The following SLC39A11 variants were observed in gnomAD, a reference collection of about 807,000 sequenced individuals.
SLC39A11 encodes zinc transporter ZIP11.
A neutral mutation model predicts 36.1 loss-of-function variants in SLC39A11; 33 were observed. The observed-to-expected ratio is 0.91, with a 90% CI of 0.69 to 1.22. SLC39A11 has a LOEUF of 1.22. Among genes scored for constraint, SLC39A11 ranks in the 50% most tolerant of loss-of-function variants. The pLI is 0.00. For missense variants in SLC39A11, 432 were observed against 430.3 expected (o/e 1.00, Z -0.03); for synonymous variants, 166 against 170.3 (o/e 0.97, Z 0.20).
At chr17:73,042,415 T>G (rs1042902829) in intron 3 of SLC39A11, among the ~76,000 whole-genome samples, 1 of 152,208 alleles carries the variant, frequency 6.6e-6, no homozygotes, top group African/African-American at 2.4e-5. Flanking sequence ...CTCATGTTTA[T>G]TGAACCAAAG....
intron 4 of SLC39A11, among the ~76,000 whole-genome samples, chr17:72,991,800 C>T (rs1288807160): frequency 6.6e-6 from 1 of 152,204 alleles, no homozygotes; most frequent in Non-Finnish European, 1.5e-5. Flanking sequence ...AATGAACATT[C>T]TCATGCAGGG....
intron 8 of SLC39A11, 29 bp downstream of exon 8, chr17:72,649,141 A>G: frequency 6.2e-7 from 1 of 1,600,806 alleles, no homozygotes; most frequent in East Asian, 2.2e-5. Flanking sequence ...GGATGCTGTG[A>G]CATGGCCTTG....
intron 7 of SLC39A11, among the ~76,000 whole-genome samples, chr17:72,709,230 G>A (rs569739914): frequency 3.0e-4 from 46 of 152,268 alleles, no homozygotes; most frequent in Middle Eastern, 3.4e-3. Context: ...GAGCCACCGC[G>A]CCCGGCCAAG....
At chr17:72,974,167 CT>C (rs2087664544) in intron 4 of SLC39A11, among the ~76,000 whole-genome samples, 1 of 152,162 alleles carries the variant, frequency 6.6e-6, no homozygotes, top group Admixed American at 6.5e-5. Context: ...GTGGCGCGAT[CT>C]GGCTCACCGC....
chr17:73,039,899 C>A (rs2059053547), intron 3 of SLC39A11, among the ~76,000 whole-genome samples: 1 of 152,066 alleles, frequency 6.6e-6, no homozygotes, highest in South Asian at 2.1e-4. Flanking sequence ...CTGGTCTGTC[C>A]CAAGTTGACT....
chr17:72,749,154 T>G (rs2075055016), intron 6 of SLC39A11, among the ~76,000 whole-genome samples: 1 of 152,126 alleles, frequency 6.6e-6, no homozygotes, highest in Admixed American at 6.5e-5. Flanking sequence ...ACACAAAAAC[T>G]CAAGATTCCC....
At chr17:72,761,881 A>C (rs1440726500) in intron 6 of SLC39A11, among the ~76,000 whole-genome samples, 1 of 152,248 alleles carries the variant, frequency 6.6e-6, no homozygotes, top group Non-Finnish European at 1.5e-5. Context: ...GGGTCATGCT[A>C]TTCCCATAAA....
intron 4 of SLC39A11, among the ~76,000 whole-genome samples, chr17:73,010,206 C>T (rs182990634): frequency 1.3e-5 from 2 of 152,128 alleles, no homozygotes; most frequent in East Asian, 3.9e-4. Context: ...GGTGGGGTCC[C>T]GGCACCTGCA....
chr17:72,773,680 C>CACACACACACAG (rs879349280), intron 6 of SLC39A11, among the ~76,000 whole-genome samples: 2 of 150,030 alleles, frequency 1.3e-5, no homozygotes, highest in African/African-American at 4.9e-5. Flanking sequence ...CACACACACC[C>CACACACACACAG]AGTATATAAA....
At chr17:72,937,983 A>T (rs1363196903) in intron 5 of SLC39A11, among the ~76,000 whole-genome samples, 2 of 152,186 alleles carry the variant, frequency 1.3e-5, no homozygotes, top group African/African-American at 4.8e-5. Flanking sequence ...AGAGAGAGTG[A>T]ATTCTGTTTC....
chr17:72,923,820 G>A (rs911233501), intron 5 of SLC39A11, among the ~76,000 whole-genome samples: 22 of 152,064 alleles, frequency 1.4e-4, no homozygotes, highest in African/African-American at 4.8e-4. Flanking sequence ...ACAATTGCAA[G>A]ATACAATGAT....
intron 4 of SLC39A11, among the ~76,000 whole-genome samples, chr17:73,029,150 G>A (rs1158718000): frequency 6.6e-6 from 1 of 150,894 alleles, no homozygotes; most frequent in African/African-American, 2.4e-5. Context: ...GCTGCATAGT[G>A]CAAATTAGCC....
At chr17:72,753,280 C>T (rs1173891080) in intron 6 of SLC39A11, among the ~76,000 whole-genome samples, 1 of 152,094 alleles carries the variant, frequency 6.6e-6, no homozygotes, top group East Asian at 1.9e-4. Flanking sequence ...AAAAATTTCC[C>T]CACATGCCTG....
At chr17:72,917,299 G>A (rs566382802) in intron 5 of SLC39A11, among the ~76,000 whole-genome samples, 10 of 152,360 alleles carry the variant, frequency 6.6e-5, no homozygotes, top group East Asian at 1.9e-4. Context: ...TCTGTCAGGC[G>A]CCAAGCACTG....
At chr17:73,050,661 C>T (rs1027823348) in intron 3 of SLC39A11, among the ~76,000 whole-genome samples, 1 of 152,122 alleles carries the variant, frequency 6.6e-6, no homozygotes, top group African/African-American at 2.4e-5. Flanking sequence ...GACAGGGTTT[C>T]ACCATGTTGG....
At chr17:72,964,575 G>T (rs2086830880) in intron 4 of SLC39A11, among the ~76,000 whole-genome samples, 1 of 152,204 alleles carries the variant, frequency 6.6e-6, no homozygotes, top group Non-Finnish European at 1.5e-5. Context: ...TTGGGAATGG[G>T]CGTGACACTC....
At chr17:72,923,892 C>A (rs891292861) in intron 5 of SLC39A11, among the ~76,000 whole-genome samples, 15 of 152,022 alleles carry the variant, frequency 9.9e-5, no homozygotes, top group African/African-American at 3.6e-4. Context: ...CACCTATAAT[C>A]CCAACACTCT....
chr17:72,686,101 T>A (rs1020057905), intron 7 of SLC39A11, among the ~76,000 whole-genome samples: 1 of 152,112 alleles, frequency 6.6e-6, no homozygotes, highest in East Asian at 1.9e-4. Context: ...CTTGGTCTTG[T>A]CCCTAGGACC....
intron 5 of SLC39A11, among the ~76,000 whole-genome samples, chr17:72,890,985 C>T (rs2081709321): frequency 6.6e-6 from 1 of 151,310 alleles, no homozygotes; most frequent in Admixed American, 6.6e-5. Context: ...TTTAGTGGGT[C>T]GCTGATCACA....
Sources: gnomAD v4.1 joint callset for allele counts (sites outside exome capture counted in the v4.1 genomes callset) on GRCh38, gnomAD v4.1.1 for gene constraint, MANE v1.5 for transcripts, NCBI Gene and HGNC (gene_info 2026-07-23, HGNC 2026-07-21) for gene names.